The following TLCD4 variants were observed in gnomAD, a reference collection of about 807,000 sequenced individuals.
TLCD4 encodes TLC domain containing 4.
In TLCD4, 7 loss-of-function variants were observed where a neutral mutation model predicts 24.2. The observed-to-expected ratio is 0.29, with a 90% CI of 0.16 to 0.54. The LOEUF (loss-of-function observed/expected upper bound fraction) is 0.54, where lower values mean the gene tolerates loss of function less well. TLCD4 is among the 20% of genes least tolerant of loss of function. The pLI, the probability that TLCD4 is intolerant of heterozygous loss-of-function variation, is 0.95. For synonymous variants in TLCD4, 103 were observed against 106.4 expected (o/e 0.97, Z 0.20); for missense variants, 259 against 313.9 (o/e 0.82, Z 1.32).
intron 5 of TLCD4, among the ~76,000 whole-genome samples, chr1:95,155,597 C>T (rs1320203185): frequency 6.6e-6 from 1 of 151,936 alleles, no homozygotes; most frequent in Non-Finnish European, 1.5e-5. Context: ...CTAATGGCCA[C>T]CTATGCTGAT....
At chr1:95,140,800 T>A (rs189964486) in intron 1 of TLCD4, 4 of 152,378 alleles carry the variant, frequency 2.6e-5, no homozygotes, top group African/African-American at 7.2e-5. Context: ...CACCAAACTC[T>A]TGCAGGCCCT....
upstream of TLCD4, among the ~76,000 whole-genome samples, chr1:95,115,365 C>T (rs924573097): frequency 6.6e-6 from 1 of 152,090 alleles, no homozygotes; most frequent in Admixed American, 6.5e-5. Context: ...GCCTCAGCCT[C>T]CCAAAGTGCT....
intron 6 of TLCD4, among the ~76,000 whole-genome samples, chr1:95,174,518 A>G (rs1013373269): frequency 2.4e-5 from 3 of 123,744 alleles, no homozygotes; most frequent in East Asian, 6.8e-4. Flanking sequence ...AAAAAAAAAA[A>G]AAAAAAAAGA....
At chr1:95,152,170 A>G (rs114577907) in intron 5 of TLCD4, among the ~76,000 whole-genome samples, 3,747 of 152,142 alleles carry the variant, frequency 0.025, 68 homozygotes, top group Non-Finnish European at 0.036. Flanking sequence ...GGGAAACAAA[A>G]TAGGAAAAGT....
the TLCD4 span, among the ~76,000 whole-genome samples, chr1:95,100,303 G>A: frequency 2.0e-5 from 3 of 151,952 alleles, no homozygotes; most frequent in Non-Finnish European, 2.9e-5. Context: ...GGCTGGGTGC[G>A]GTGGCTCACG....
At position 95,124,926 on chromosome 1, in the gene TLCD4, G is replaced by A. The variant is rs550364560; in HGVS notation, c.-12+7309G>A. Among the ~76,000 whole-genome samples, 28 of 152,108 alleles carry A rather than the reference G, an allele frequency of 1.8e-4. No individual in the cohort carries two copies. In the South Asian group the frequency reaches 4.6e-3, roughly 25 times the overall value. ...ACAAGGATGGTACTTAATCAATCCC[G>A]TAAGTTAGAAAGGATTAGAGCCACC... On this transcript the variant is annotated intron_variant, in intron 1 of 6. Coordinates refer to ENST00000370203, the MANE Select transcript of TLCD4 (RefSeq NM_152487.3).
At chr1:95,133,846 G>T (rs537487651) in intron 1 of TLCD4, among the ~76,000 whole-genome samples, 1 of 152,128 alleles carries the variant, frequency 6.6e-6, no homozygotes, top group Non-Finnish European at 1.5e-5. Flanking sequence ...ACTCATTGCT[G>T]AGTAAATAGT....
chr1:95,178,749 T>C (rs1225459185), intron 6 of TLCD4, among the ~76,000 whole-genome samples: 2 of 152,166 alleles, frequency 1.3e-5, no homozygotes, highest in African/African-American at 2.4e-5. Context: ...TTACTTAATA[T>C]TCCTGTATTA....
chr1:95,127,370 T>C (rs1372758305), intron 1 of TLCD4, among the ~76,000 whole-genome samples: 1 of 152,196 alleles, frequency 6.6e-6, no homozygotes, highest in Admixed American at 6.5e-5. Flanking sequence ...CCAGGGTTAA[T>C]GAGATCCATG....
upstream of TLCD4, among the ~76,000 whole-genome samples, chr1:95,112,737 C>G (rs1676362996): frequency 6.6e-6 from 1 of 152,166 alleles, no homozygotes; most frequent in African/African-American, 2.4e-5. Context: ...TCTGAGTAAG[C>G]TACTGGAGTC....
intron 1 of TLCD4, among the ~76,000 whole-genome samples, chr1:95,143,025 GT>G (rs1297356677): frequency 1.3e-5 from 2 of 152,072 alleles, no homozygotes; most frequent in Non-Finnish European, 2.9e-5. Context: ...TTGGCTGGCA[GT>G]CAGTCAGATT....
chr1:95,145,987 T>C (rs765569944), intron 2 of TLCD4, among the ~76,000 whole-genome samples: 1 of 152,170 alleles, frequency 6.6e-6, no homozygotes, highest in Admixed American at 6.5e-5. Flanking sequence ...GGACTTAAGC[T>C]GTAAGGTGGA....
the TLCD4 span, among the ~76,000 whole-genome samples, chr1:95,110,866 T>TAAAAAAAAA: frequency 8.4e-6 from 1 of 119,564 alleles, no homozygotes; most frequent in Non-Finnish European, 1.8e-5. Context: ...AAAAGAAAAG[T>TAAAAAAAAA]AAAAAAAAAA....
chr1:95,148,821 A>G (rs375973419), intron 3 of TLCD4, 30 bp downstream of exon 3: 17 of 1,602,304 alleles, frequency 1.1e-5, no homozygotes, highest in South Asian at 3.4e-5. Flanking sequence ...AAGATTGCCA[A>G]TTTCATTTAT....
intron 5 of TLCD4, among the ~76,000 whole-genome samples, chr1:95,162,762 G>C (rs11590669): frequency 0.44 from 67,090 of 151,664 alleles, 16,261 homozygotes; most frequent in Middle Eastern, 0.58. Flanking sequence ...CACTTATGAA[G>C]CTTAGTTTAG....
intron 4 of TLCD4, among the ~76,000 whole-genome samples, chr1:95,150,804 A>G (rs1049016797): frequency 8.6e-5 from 13 of 151,880 alleles, no homozygotes; most frequent in Non-Finnish European, 1.2e-4. Flanking sequence ...TGAGTTGGTC[A>G]TTTTGTACCT....
intron 1 of TLCD4, among the ~76,000 whole-genome samples, chr1:95,120,492 T>G (rs1676541696): frequency 6.6e-6 from 1 of 152,216 alleles, no homozygotes; most frequent in African/African-American, 2.4e-5. Flanking sequence ...AAGGTGTTTC[T>G]TTGTTCAGAA....
the TLCD4 span, among the ~76,000 whole-genome samples, chr1:95,094,987 G>T: frequency 6.6e-6 from 1 of 152,276 alleles, no homozygotes; most frequent in East Asian, 1.9e-4. Context: ...TTAAATTCTA[G>T]CTCCTCTTCT....
intron 6 of TLCD4, among the ~76,000 whole-genome samples, chr1:95,181,105 A>T (rs957492931): frequency 6.6e-6 from 1 of 152,206 alleles, no homozygotes. Flanking sequence ...TCAGAAAAAA[A>T]CAAAAAATTA....
Sources: gnomAD v4.1 joint callset for allele counts (sites outside exome capture counted in the v4.1 genomes callset) on GRCh38, gnomAD v4.1.1 for gene constraint, MANE v1.5 for transcripts, NCBI Gene and HGNC (gene_info 2026-07-23, HGNC 2026-07-21) for gene names.